Variants in ACAN observed in about 807,000 individuals in gnomAD.
ACAN encodes the protein aggrecan core protein.
Under a neutral mutation model 169.1 loss-of-function variants are expected in ACAN, and 47 were observed. That is an observed-to-expected ratio of 0.28 (90% CI 0.22 to 0.35). The LOEUF is 0.35. ACAN is among the 10% of genes least tolerant of loss of function. The pLI is 1.00. For synonymous variants in ACAN, 1,115 were observed against 1,112.2 expected (o/e 1.00, Z -0.05); for missense variants, 2,716 against 2,759.9 (o/e 0.98, Z 0.36).
In ACAN at chr15:88,866,260, C is replaced by T. The variant is rs2141627365; in HGVS notation, c.6947-1956C>T. On this transcript the variant is annotated intron_variant, in intron 13 of 18. Transcript: ENST00000560601. This position sits in a 1 kb window ranked among gnomAD's most constrained non-coding sequence, Gnocchi z 5.6. ...GAGGCCCCAGGGTTGATGTTTTACT[C>T]TTCTCCCCAGAGGCCACTCCTGTTC... 6.6e-6 allele frequency among the ~76,000 whole-genome samples: 1 copy of T among 152,312 alleles called. No homozygotes were observed. The highest frequency in any genetic ancestry group is 2.4e-5 in the African/African-American group (1 of 41,576).
chr15:88,859,655 T>C (rs923095805), intron 12 of ACAN, among the ~76,000 whole-genome samples: 4 of 152,218 alleles, frequency 2.6e-5, no homozygotes, highest in Non-Finnish European at 5.9e-5. Context: ...AAGCAAGCAC[T>C]TAGCATCACG....
Position 88,869,130 on chromosome 15 carries a change from T to C in ACAN, c.7060+801T>C, listed in dbSNP as rs1897327778. Among the ~76,000 whole-genome samples, 1 of 152,164 alleles carries C rather than the reference T, an allele frequency of 6.6e-6. No homozygotes were observed. Among genetic ancestry groups the C allele is most frequent in the African/African-American group, 2.4e-5 (1 of 41,442 alleles). On this transcript the variant is annotated intron_variant, in intron 14 of 18. Coordinates refer to ENST00000560601, the MANE Select transcript of ACAN (RefSeq NM_001369268.1). The surrounding 1 kb of genome is among the most constrained non-coding windows in gnomAD (Gnocchi z 4.2). ...ACTGAACCCTCAGCTCTCTCACCTT[T>C]GGTGCTTCCTAGTCTCCCCACCAGC...
At chr15:88,836,830 C>G (rs376494758) in intron 2 of ACAN, among the ~76,000 whole-genome samples, 1 of 152,326 alleles carries the variant, frequency 6.6e-6, no homozygotes, top group South Asian at 2.1e-4. Context: ...ATGAGCAAAA[C>G]TTCCACTGAC....
Position 88,873,857 on chromosome 15 carries a change from C to G in ACAN, c.7463C>G (p.Pro2488Arg). 1 of 1,613,746 alleles carries G rather than the reference C, an allele frequency of 6.2e-7. No individual in the cohort carries two copies. Among genetic ancestry groups the G allele is most frequent in the Middle Eastern group, 1.7e-4 (1 of 6,054 alleles). The change falls in exon 18 of 19, where the codon CCC (proline) becomes CGC (arginine). Residue 2488 changes from proline (P) to arginine (R), a missense_variant. Physicochemically the swap from Pro to Arg is moderately radical, Grantham distance 103 (BLOSUM62 -2). Coordinates refer to ENST00000560601, the MANE Select transcript of ACAN (RefSeq NM_001369268.1). The surrounding 1 kb of genome is among the most constrained non-coding windows in gnomAD (Gnocchi z 7.5). ...TGCCCCTCAGTGGCCTGCGGAGAGC[C>G]CCCTGTGGTGGAGCATGCCAGGACC... The part of the protein sequence containing the change: ...CKKGTVACGE[P>R]PVVEHARTFG...
In ACAN at chr15:88,866,667, G is replaced by C. The variant is rs867737613; in HGVS notation, c.6947-1549G>C. On this transcript the variant is annotated intron_variant, in intron 13 of 18. Transcript: ENST00000560601. The surrounding 1 kb of genome is among the most constrained non-coding windows in gnomAD (Gnocchi z 5.6). ...TCGTGGATGAGCAAGATGCCTGAGA[G>C]CTGGGGATTTTCAGGCCACCTGTTG... Among the ~76,000 whole-genome samples the C allele has an allele frequency of 2.0e-5, 3 of 152,114 alleles. No homozygotes were observed. Among genetic ancestry groups the C allele is most frequent in the Non-Finnish European group, 2.9e-5 (2 of 68,030 alleles).
chr15:88,834,561 C>T (rs139462134), intron 1 of ACAN, among the ~76,000 whole-genome samples: 13 of 152,236 alleles, frequency 8.5e-5, no homozygotes, highest in Non-Finnish European at 1.3e-4. Context: ...ATGCCACGGG[C>T]GAGAGTTGCT....
intron 1 of ACAN, among the ~76,000 whole-genome samples, chr15:88,832,652 T>A (rs1896393620): frequency 6.6e-6 from 1 of 152,232 alleles, no homozygotes; most frequent in African/African-American, 2.4e-5. Context: ...ATGGTCATTT[T>A]TTTCCCCATT....
At chr15:88,829,543 A>G (rs1896308151) in intron 1 of ACAN, among the ~76,000 whole-genome samples, 2 of 152,200 alleles carry the variant, frequency 1.3e-5, no homozygotes, top group African/African-American at 2.4e-5. Context: ...CCTCGAGTGC[A>G]TATGCTACTG....
At chr15:88,845,112 C>A (rs1896760084) in intron 6 of ACAN, among the ~76,000 whole-genome samples, 1 of 152,222 alleles carries the variant, frequency 6.6e-6, no homozygotes, top group African/African-American at 2.4e-5. Context: ...TTTCTGATTT[C>A]TCCTTATAAC....
At chr15:88,833,891 A>G (rs961479001) in intron 1 of ACAN, among the ~76,000 whole-genome samples, 3 of 151,800 alleles carry the variant, frequency 2.0e-5, no homozygotes, top group Non-Finnish European at 4.4e-5. Context: ...AAACATACAC[A>G]CAACCTCCCA....
In ACAN at chr15:88,844,271, A is replaced by G. The variant is rs1010899286; in HGVS notation, c.1051+623A>G. On this transcript the variant is annotated intron_variant, in intron 6 of 18. Coordinates refer to ENST00000560601, the MANE Select transcript of ACAN (RefSeq NM_001369268.1). ...TGCCTCAGCCTCCCATGCAACTGGG[A>G]ATACAGGCACCACCATGCTTTGCTT... Among the ~76,000 whole-genome samples the G allele has an allele frequency of 7.4e-5, 11 of 148,596 alleles. No individual in the cohort carries two copies. The East Asian group carries it at 2.2e-3, about 29-fold the overall frequency.
chr15:88,841,890 A>G lies in ACAN; in HGVS notation c.757+23A>G, dbSNP rs546477018. On this transcript the variant is annotated intron_variant, in intron 5 of 18. Coordinates refer to ENST00000560601, the MANE Select transcript of ACAN (RefSeq NM_001369268.1). ...AGGGTGAGCTGCCCTGCCCACCAGG[A>G]GGCACCCAGCTCCCTTCCCAAGGCC... 6 of 1,612,018 alleles carry G rather than the reference A, an allele frequency of 3.7e-6. No homozygotes were observed. The African/African-American group carries it at 4.0e-5, about 11-fold the overall frequency.
intron 4 of ACAN, among the ~76,000 whole-genome samples, chr15:88,841,069 C>A (rs989202229): frequency 2.0e-5 from 3 of 152,190 alleles, no homozygotes; most frequent in African/African-American, 7.2e-5. Flanking sequence ...GGCGTGAACC[C>A]GGGAGGTGGA....
rs1358277450 is a variant in ACAN, at chr15:88,858,833, C to T, written c.6248C>T (p.Thr2083Ile). The T allele has an allele frequency of 6.2e-7, 1 of 1,613,436 alleles. No homozygotes were observed. The highest frequency in any genetic ancestry group is 1.1e-5 in the South Asian group (1 of 91,058). ...ACAGCTGGGGACATTAGTGGAGCTA[C>T]CCCAGTGCTCCCTGGGTCTGGAGTA... ...VSTAGDISGA[T>I]PVLPGSGVEV... The change falls in exon 12 of 19, where the codon ACC becomes ATC. Residue 2083 changes from threonine to isoleucine, a missense_variant. Coordinates refer to ENST00000560601, the MANE Select transcript of ACAN (RefSeq NM_001369268.1). The surrounding 1 kb of genome is among the most constrained non-coding windows in gnomAD (Gnocchi z 4.0).
At position 88,843,360 on chromosome 15, in the gene ACAN, G is replaced by A. The variant is rs377286945; in HGVS notation, c.763G>A (p.Val255Ile). 1 of 1,573,564 alleles carries A rather than the reference G, an allele frequency of 6.4e-7. No individual in the cohort carries two copies. The highest frequency in any genetic ancestry group is 8.7e-7 in the Non-Finnish European group (1 of 1,154,204). ...GCTGGCTGTGTCCTTCACAGGTGAGGTCTTTTATGCAACATCTCCAGAGAA... is the reference window on the plus strand; with the variant it reads ...GCTGGCTGTGTCCTTCACAGGTGAGATCTTTTATGCAACATCTCCAGAGAA... Reference protein sequence around the residue: ...YCFAEEMEGEVFYATSPEKFT... With the variant: ...YCFAEEMEGEIFYATSPEKFT... Residue 255 changes from valine to isoleucine, a missense_variant, in exon 6 of 19, where the codon GTC becomes ATC. Val to Ile is a conservative substitution (Grantham distance 29). Around this residue, in one of 3 missense-constraint regions of ACAN, gnomAD observed 1,283 missense variants for 1,281.5 expected, o/e 1.00. Coordinates refer to ENST00000560601, the MANE Select transcript of ACAN (RefSeq NM_001369268.1). This position sits in a 1 kb window ranked among gnomAD's most constrained non-coding sequence, Gnocchi z 4.0.
At chr15:88,846,462 T>C (rs56974269) in intron 7 of ACAN, among the ~76,000 whole-genome samples, 4,135 of 152,332 alleles carry the variant, frequency 0.027, 195 homozygotes, top group African/African-American at 0.095. Context: ...AATTTCAATG[T>C]CCACAAATAA....
At chr15:88,837,971 G>A (rs1896548187) in intron 2 of ACAN, among the ~76,000 whole-genome samples, 2 of 144,714 alleles carry the variant, frequency 1.4e-5, no homozygotes, top group South Asian at 2.2e-4. Flanking sequence ...ACAAGATTTG[G>A]TAAGCTTGTT....
intron 7 of ACAN, among the ~76,000 whole-genome samples, chr15:88,846,783 G>T (rs1195398762): frequency 6.6e-6 from 1 of 152,172 alleles, no homozygotes; most frequent in Non-Finnish European, 1.5e-5. Flanking sequence ...GCAGATTTTG[G>T]TATCTGAGGA....
Position 88,874,549 on chromosome 15 carries a change from C to A in ACAN, c.*68C>A. On this transcript the variant is annotated 3_prime_UTR_variant, in exon 19 of 19. Coordinates refer to ENST00000560601, the MANE Select transcript of ACAN (RefSeq NM_001369268.1). This position sits in a 1 kb window ranked among gnomAD's most constrained non-coding sequence, Gnocchi z 7.3. ...CTGCCAGGCTGACGTGCATCCCACCCAGACGGTGTCCTCTTCTTGTCGCTT... is the reference window on the plus strand; with the variant it reads ...CTGCCAGGCTGACGTGCATCCCACCAAGACGGTGTCCTCTTCTTGTCGCTT... The A allele has an allele frequency of 7.3e-7, 1 of 1,362,586 alleles. No individual in the cohort carries two copies. The highest frequency in any genetic ancestry group is 2.5e-5 in the East Asian group (1 of 40,332). 84.4% of individuals were successfully genotyped at this position (1,362,586 alleles called of 1,614,324 possible).
Sources: allele counts gnomAD v4.1 joint callset (sites outside exome capture counted in the v4.1 genomes callset), GRCh38; gene constraint gnomAD v4.1.1; regional missense constraint gnomAD v4.1.1; non-coding constraint Gnocchi (gnomAD v3.1); transcripts MANE v1.5; gene names NCBI Gene and HGNC (gene_info 2026-07-23, HGNC 2026-07-21).